Variants in ARAP2 observed in about 807,000 individuals in gnomAD.
The protein encoded by ARAP2 is arf-GAP with Rho-GAP domain, ANK repeat and PH domain-containing protein 2.
In ARAP2, 148 loss-of-function variants were observed where a neutral mutation model predicts 194.5. The ratio of observed to expected loss-of-function variants is 0.76; its 90% confidence interval spans 0.67 to 0.87. ARAP2 has a LOEUF of 0.87. ARAP2 is among the 40% of genes least tolerant of loss of function. The pLI, the probability that ARAP2 is intolerant of heterozygous loss-of-function variation, is 0.00. For synonymous variants in ARAP2, 695 were observed against 683.5 expected (o/e 1.02, Z -0.26); for missense variants, 2,128 against 1,989.7 (o/e 1.07, Z -1.32).
intron 26 of ARAP2, among the ~76,000 whole-genome samples, chr4:36,108,855 C>T (rs1719109591): frequency 6.6e-6 from 1 of 151,912 alleles, no homozygotes; most frequent in African/African-American, 2.4e-5. Context: ...AGAAAAGAAG[C>T]TGTGACATGA....
chr4:36,152,652 C>A lies in ARAP2; in HGVS notation c.2753-1608G>T, dbSNP rs944177348. On this transcript the variant is annotated intron_variant, in intron 15 of 32. Coordinates refer to ENST00000303965, the MANE Select transcript of ARAP2 (RefSeq NM_015230.4). ...ATTAGAAGCATTCAAGGAGGTAAGCCCCCCCACCATACTGAAGTGATAAAA... is the reference window on the plus strand; with the variant it reads ...ATTAGAAGCATTCAAGGAGGTAAGCACCCCCACCATACTGAAGTGATAAAA... Among the ~76,000 whole-genome samples the A allele has an allele frequency of 2.1e-5, 3 of 141,860 alleles. No individual in the cohort carries two copies. The Admixed American group carries it at 2.2e-4, about 10-fold the overall frequency. 93.1% of individuals were successfully genotyped at this position (141,860 alleles called of 152,430 possible).
chr4:36,230,953 A>C (rs1751332759), intron 1 of ARAP2, among the ~76,000 whole-genome samples: 1 of 152,250 alleles, frequency 6.6e-6, no homozygotes, highest in South Asian at 2.1e-4. Flanking sequence ...AGAAATAAAA[A>C]TACAAAATAA....
upstream of ARAP2, among the ~76,000 whole-genome samples, chr4:36,244,681 C>T (rs1343879357): frequency 6.6e-6 from 1 of 152,060 alleles, no homozygotes; most frequent in African/African-American, 2.4e-5. Flanking sequence ...GCACCTCGGC[C>T]CGGAGGCGTC....
At chr4:36,151,745 T>C (rs893480046) in intron 15 of ARAP2, among the ~76,000 whole-genome samples, 1 of 152,132 alleles carries the variant, frequency 6.6e-6, no homozygotes, top group Non-Finnish European at 1.5e-5. Context: ...TACTTTTAAG[T>C]GTGCATATAA....
chr4:36,185,964 G>C (rs934834385), intron 8 of ARAP2, among the ~76,000 whole-genome samples: 1 of 150,248 alleles, frequency 6.7e-6, no homozygotes, highest in African/African-American at 2.5e-5. Flanking sequence ...GGCAACAAGA[G>C]TGAAACTCTG....
In ARAP2 at chr4:36,211,955, A is replaced by G. The variant is rs538906768; in HGVS notation, c.1133+441T>C. 3.9e-4 allele frequency among the ~76,000 whole-genome samples: 60 copies of G among 152,214 alleles called. 1 individual carries two copies. Among genetic ancestry groups the G allele is most frequent in the African/African-American group, 1.3e-3 (55 of 41,578 alleles). ...TGGTGCATACAAATTCTAACTCTGT[A>G]TGTGATCCAAATAACTGGATAATTG... is the stretch of plus-strand genomic sequence containing the variant. On this transcript the variant is annotated intron_variant, in intron 5 of 32. Transcript: ENST00000303965.
chr4:36,084,012 C>T (rs1392246617), intron 28 of ARAP2, among the ~76,000 whole-genome samples: 2 of 152,056 alleles, frequency 1.3e-5, no homozygotes, highest in Non-Finnish European at 2.9e-5. Context: ...ACTCCCAAGT[C>T]CTTCAGCTTT....
chr4:36,182,053 T>A (rs1739399788), intron 8 of ARAP2, among the ~76,000 whole-genome samples: 1 of 152,028 alleles, frequency 6.6e-6, no homozygotes, highest in Non-Finnish European at 1.5e-5. Context: ...CAACAGCAGA[T>A]TTGGTATATT....
At chr4:36,028,956 C>T (rs1004844839) in intron 5 of ARAP2, among the ~76,000 whole-genome samples, 2 of 151,794 alleles carry the variant, frequency 1.3e-5, no homozygotes, top group African/African-American at 4.8e-5. Context: ...AATGTTGTTA[C>T]CATTATTTCT....
At chr4:36,133,697 A>G (rs1045797086) in intron 19 of ARAP2, among the ~76,000 whole-genome samples, 4 of 151,816 alleles carry the variant, frequency 2.6e-5, no homozygotes, top group Non-Finnish European at 5.9e-5. Context: ...ATTTCTGGTT[A>G]CGTTTTTTAA....
intron 2 of ARAP2, among the ~76,000 whole-genome samples, chr4:36,055,512 G>A (rs999066177): frequency 5.3e-5 from 8 of 152,042 alleles, no homozygotes; most frequent in Admixed American, 3.3e-4. Context: ...CATAGTGTGG[G>A]AAGTGACTGA....
chr4:36,140,165 C>CACACACACACAT (rs1401054632), intron 19 of ARAP2, among the ~76,000 whole-genome samples: 2 of 151,118 alleles, frequency 1.3e-5, no homozygotes, highest in Non-Finnish European at 3.0e-5. Flanking sequence ...CACACACACA[C>CACACACACACAT]ACACACACAC....
At position 36,114,151 on chromosome 4, in the gene ARAP2, T is replaced by A. The variant is rs761442937; in HGVS notation, c.4156+19A>T. 3 of 1,473,152 alleles carry A rather than the reference T, an allele frequency of 2.0e-6. No homozygotes were observed. Among genetic ancestry groups the A allele is most frequent in the Non-Finnish European group, 2.8e-6 (3 of 1,058,172 alleles). 91.3% of individuals were successfully genotyped at this position (1,473,152 alleles called of 1,614,324 possible). On this transcript the variant is annotated intron_variant, in intron 26 of 32. Transcript: ENST00000303965. ...ACAGTATAAGTAATTTAAGAATCCC[T>A]AGCATAAAAATCACTTACCTAGCTC...
intron 28 of ARAP2, among the ~76,000 whole-genome samples, chr4:36,085,429 A>T (rs556259973): frequency 6.6e-6 from 1 of 152,170 alleles, no homozygotes; most frequent in East Asian, 1.9e-4. Flanking sequence ...GTTGACAATT[A>T]TTCTACCCCA....
At chr4:36,160,739 A>G in intron 12 of ARAP2, 98 bp from the exon 13 acceptor site, 1 of 1,042,088 alleles carries the variant, frequency 9.6e-7, no homozygotes, top group Non-Finnish European at 1.3e-6. Flanking sequence ...AGCATAACTT[A>G]GTATAAAATA....
chr4:36,007,362 TAAG>T (rs1171930905), intron 9 of ARAP2, among the ~76,000 whole-genome samples: 1 of 151,996 alleles, frequency 6.6e-6, no homozygotes, highest in Non-Finnish European at 1.5e-5. Flanking sequence ...CATCCATTGA[TAAG>T]AAGGATGAGA....
intron 32 of ARAP2, among the ~76,000 whole-genome samples, chr4:36,071,564 AG>A (rs2109309892): frequency 6.6e-6 from 1 of 152,344 alleles, no homozygotes; most frequent in East Asian, 1.9e-4. Context: ...AATGAAAGCC[AG>A]GCTTAGCCAC....
chr4:36,216,093 A>T (rs1304523454), intron 2 of ARAP2, among the ~76,000 whole-genome samples: 1 of 151,590 alleles, frequency 6.6e-6, no homozygotes, highest in Non-Finnish European at 1.5e-5. Flanking sequence ...AAAAAAAAAA[A>T]AAAACAACGA....
Position 36,068,056 on chromosome 4 carries a change from T to C in ARAP2, c.4966A>G (p.Thr1656Ala). ...GQPKGHKGLK[T>A]LRKTEDRNSK... Reference sequence around the variant, plus strand: ...TTCCTGTCCTCAGTCTTCCTCAATGTCTTTAGGCCTTTATGGCCTTTTGGT... The same window carrying C: ...TTCCTGTCCTCAGTCTTCCTCAATGCCTTTAGGCCTTTATGGCCTTTTGGT... The change falls in exon 33 of 33, where the codon ACA (threonine) becomes GCA (alanine). Residue 1656 changes from threonine (T) to alanine (A), a missense_variant. By Grantham distance (58) the Thr-to-Ala change is moderately conservative. Coordinates refer to ENST00000303965, the MANE Select transcript of ARAP2 (RefSeq NM_015230.4). The C allele has an allele frequency of 6.2e-7, 1 of 1,614,160 alleles. No homozygotes were observed. Among genetic ancestry groups the C allele is most frequent in the Middle Eastern group, 1.7e-4 (1 of 6,060 alleles).
Sources: allele counts gnomAD v4.1 joint callset (sites outside exome capture counted in the v4.1 genomes callset), GRCh38; gene constraint gnomAD v4.1.1; transcripts MANE v1.5; gene names NCBI Gene and HGNC (gene_info 2026-07-23, HGNC 2026-07-21).